PLPP4: variants seen among roughly 807,000 people sequenced by gnomAD.
PLPP4 encodes phospholipid phosphatase 4.
In PLPP4, 20 loss-of-function variants were observed where a neutral mutation model predicts 32.2. That is an observed-to-expected ratio of 0.62 (90% CI 0.44 to 0.90). The LOEUF (loss-of-function observed/expected upper bound fraction) is 0.90, where lower values mean the gene tolerates loss of function less well. Among genes scored for constraint, PLPP4 ranks in the 40% least tolerant of loss-of-function variants. The probability of loss-of-function intolerance (pLI) is 0.00; values close to 1 mark genes in which losing one functional copy is unlikely to be tolerated. For missense variants in PLPP4, 257 were observed against 353.1 expected, an observed-to-expected ratio of 0.73 and a Z score of 2.18; for synonymous variants, 127 against 133.0, an observed-to-expected ratio of 0.95 and a Z score of 0.31.
chr10:120,575,346 C>G, intron 6 of PLPP4, 45 bp downstream of exon 6: 1 of 1,585,846 alleles, frequency 6.3e-7, no homozygotes, highest in Non-Finnish European at 8.6e-7. Flanking sequence ...TGTGGTTGCC[C>G]CTCTCCTCCA....
chr10:120,525,467 C>T, intron 5 of PLPP4, among the ~76,000 whole-genome samples: 1 of 152,162 alleles, frequency 6.6e-6, no homozygotes, highest in Non-Finnish European at 1.5e-5. Flanking sequence ...ACAGATGATT[C>T]TTGAGTTCTT....
intron 5 of PLPP4, among the ~76,000 whole-genome samples, chr10:120,540,044 T>G (rs912097859): frequency 6.6e-6 from 1 of 151,008 alleles, no homozygotes; most frequent in South Asian, 2.1e-4. Flanking sequence ...ACTAATATGG[T>G]CTTTTGGTCA....
At chr10:120,483,823 G>A (rs1434207278) in intron 1 of PLPP4, among the ~76,000 whole-genome samples, 2 of 152,320 alleles carry the variant, frequency 1.3e-5, no homozygotes, top group Admixed American at 6.5e-5. Flanking sequence ...TCTGCACGTG[G>A]AGCTCCCCGG....
chr10:120,548,784 G>T (rs1309148152), intron 5 of PLPP4, among the ~76,000 whole-genome samples: 2 of 151,904 alleles, frequency 1.3e-5, no homozygotes, highest in Non-Finnish European at 2.9e-5. Context: ...GTCATGAAAT[G>T]GTATCTCTTG....
rs747534051 is a variant in PLPP4 at position 120,575,249 on chromosome 10, C to T, written c.564C>T (p.Cys188=). The T allele has an allele frequency of 6.2e-5, 100 of 1,613,996 alleles. No homozygotes were observed. The Middle Eastern group carries it at 1.2e-3, about 19-fold the overall frequency. The part of the protein sequence containing the change: ...RLCAAILPLY[C]AMMIALSRMC... ...GTGCTGCCATCCTGCCCTTGTACTGCGCCATGATGATTGCCCTGTCCCGCA... is the reference window on the plus strand; with the variant it reads ...GTGCTGCCATCCTGCCCTTGTACTGTGCCATGATGATTGCCCTGTCCCGCA... The change falls in exon 6 of 7, where the codon TGC becomes TGT. Residue 188 remains cysteine, a synonymous_variant. Transcript: ENST00000398250.
chr10:120,473,176 G>A (rs1025218027), intron 1 of PLPP4, among the ~76,000 whole-genome samples: 6 of 152,146 alleles, frequency 3.9e-5, no homozygotes, highest in Non-Finnish European at 7.3e-5. Flanking sequence ...AACATACATT[G>A]TAGAGATTCT....
chr10:120,568,132 C>T (rs1273280320), intron 5 of PLPP4, among the ~76,000 whole-genome samples: 1 of 152,188 alleles, frequency 6.6e-6, no homozygotes, highest in Non-Finnish European at 1.5e-5. Flanking sequence ...ATCTGCTTGC[C>T]TTTTTCCACT....
At chr10:120,549,440 C>T (rs1035740208) in intron 5 of PLPP4, among the ~76,000 whole-genome samples, 4 of 151,336 alleles carry the variant, frequency 2.6e-5, no homozygotes, top group Non-Finnish European at 3.0e-5. Context: ...TAAGGAAGAA[C>T]AAATGTTAAC....
intron 5 of PLPP4, among the ~76,000 whole-genome samples, chr10:120,525,373 A>G (rs1589818670): frequency 6.6e-6 from 1 of 152,242 alleles, no homozygotes; most frequent in African/African-American, 2.4e-5. Flanking sequence ...ATTACAGTAT[A>G]AAAAGGGGCA....
chr10:120,568,051 G>T (rs4752440), intron 5 of PLPP4, among the ~76,000 whole-genome samples: 1 of 152,048 alleles, frequency 6.6e-6, no homozygotes, highest in Non-Finnish European at 1.5e-5. Context: ...CTTCTCATAC[G>T]GTTGTGCTAC....
At chr10:120,521,312 C>T (rs980208629) in intron 5 of PLPP4, among the ~76,000 whole-genome samples, 1 of 152,190 alleles carries the variant, frequency 6.6e-6, no homozygotes, top group Non-Finnish European at 1.5e-5. Context: ...GCATGTGTTG[C>T]TTTCATGAGC....
intron 6 of PLPP4, among the ~76,000 whole-genome samples, chr10:120,575,841 T>C (rs1849198669): frequency 6.6e-6 from 1 of 152,090 alleles, no homozygotes; most frequent in African/African-American, 2.4e-5. Context: ...AAAATCAAAA[T>C]AACACAAAAC....
chr10:120,460,955 C>A (rs1848015145), intron 1 of PLPP4, among the ~76,000 whole-genome samples: 1 of 152,218 alleles, frequency 6.6e-6, no homozygotes, highest in Non-Finnish European at 1.5e-5. Flanking sequence ...CCTGAGTGGT[C>A]AGCCTCTGAG....
chr10:120,552,355 A>C (rs1847950255), intron 5 of PLPP4, among the ~76,000 whole-genome samples: 1 of 152,180 alleles, frequency 6.6e-6, no homozygotes, highest in African/African-American at 2.4e-5. Flanking sequence ...ATGACCTTTC[A>C]CTGAATCACA....
intron 1 of PLPP4, among the ~76,000 whole-genome samples, chr10:120,487,221 AGC>A (rs1257635717): frequency 1.3e-5 from 2 of 152,226 alleles, no homozygotes; most frequent in East Asian, 3.8e-4. Flanking sequence ...CAACAGATTG[AGC>A]GTGGTGAGAG....
intron 5 of PLPP4, among the ~76,000 whole-genome samples, chr10:120,568,622 TATC>T (rs1420837291): frequency 1.3e-5 from 2 of 152,242 alleles, no homozygotes; most frequent in African/African-American, 4.8e-5. Flanking sequence ...CTCATTAAAA[TATC>T]ATCTTTATTT....
rs144650212 is a variant in PLPP4, at chr10:120,477,135, G to A, written c.56+19774G>A. ...GTAAAAAACATCAAGAGGCTCGGAC[G>A]AAGCTTGATTAATTATCTGTGTACT... On this transcript the variant is annotated intron_variant, in intron 1 of 6. Transcript: ENST00000398250. 2.7e-3 allele frequency among the ~76,000 whole-genome samples: 414 copies of A among 151,550 alleles called. 7 individuals are homozygous for A. The highest frequency in any genetic ancestry group is 0.024 in the Admixed American group (371 of 15,194).
chr10:120,461,579 C>T (rs1261339362), intron 1 of PLPP4, among the ~76,000 whole-genome samples: 1 of 152,214 alleles, frequency 6.6e-6, no homozygotes, highest in African/African-American at 2.4e-5. Context: ...GTGTTTACCT[C>T]CCCTTAGATA....
intron 1 of PLPP4, among the ~76,000 whole-genome samples, chr10:120,469,726 T>C (rs1003835479): frequency 3.3e-5 from 5 of 152,330 alleles, no homozygotes; most frequent in African/African-American, 1.2e-4. Flanking sequence ...TCTCTTCACT[T>C]TTTATACACA....
Sources: allele counts gnomAD v4.1 joint callset (sites outside exome capture counted in the v4.1 genomes callset), GRCh38; gene constraint gnomAD v4.1.1; transcripts MANE v1.5; gene names NCBI Gene and HGNC (gene_info 2026-07-23, HGNC 2026-07-21).